The following TSG101 variants were observed in gnomAD, a reference collection of about 807,000 sequenced individuals.
TSG101 encodes tumor susceptibility gene 101 protein.
A neutral mutation model predicts 48.5 loss-of-function variants in TSG101; 19 were observed. The ratio of observed to expected loss-of-function variants is 0.39; its 90% CI spans 0.27 to 0.58. TSG101 has a LOEUF of 0.58. TSG101 is among the 20% of genes least tolerant of loss of function. TSG101 has a pLI of 0.55. For synonymous variants in TSG101, 174 were observed against 169.4 expected (o/e 1.03, Z -0.21); for missense variants, 365 against 484.4 (o/e 0.75, Z 2.31).
chr11:18,487,169 G>A (rs981830567), intron 7 of TSG101, among the ~76,000 whole-genome samples: 4 of 149,922 alleles, frequency 2.7e-5, no homozygotes, highest in Non-Finnish European at 5.9e-5. Flanking sequence ...GTTAAATGAC[G>A]AGTTAGTAGG....
rs1014288385 is a variant in TSG101 at position 18,526,896 on chromosome 11, G to T, written c.-80C>A. The T allele has an allele frequency of 4.7e-6, 7 of 1,489,288 alleles. No individual in the cohort carries two copies. The East Asian group carries it at 1.2e-4, about 26-fold the overall frequency. The allele number at this position is 1,489,288 out of a possible 1,614,324, so 92.3% of individuals were successfully genotyped here. ...CTGCCCCAGACCGTCCCACACAATC[G>T]CACACCCCCAACCCGGCCTCAAACA... On this transcript the variant is annotated 5_prime_UTR_variant, in exon 1 of 10. Coordinates refer to ENST00000251968, the MANE Select transcript of TSG101 (RefSeq NM_006292.4).
chr11:18,506,363 A>G (rs755275239), intron 6 of TSG101, among the ~76,000 whole-genome samples: 9 of 147,492 alleles, frequency 6.1e-5, no homozygotes, highest in African/African-American at 2.2e-4. Flanking sequence ...AGCCAAGGGG[A>G]AAAATATTTT....
At chr11:18,523,774 T>G (rs950919705) in intron 1 of TSG101, among the ~76,000 whole-genome samples, 1 of 152,224 alleles carries the variant, frequency 6.6e-6, no homozygotes. Flanking sequence ...AGTGCTGAGA[T>G]TACAGGCATG....
At chr11:18,520,332 T>C (rs992912193) in intron 1 of TSG101, among the ~76,000 whole-genome samples, 2 of 152,208 alleles carry the variant, frequency 1.3e-5, no homozygotes, top group African/African-American at 4.8e-5. Flanking sequence ...CAAGTGATTC[T>C]CCTGCCTCAG....
At position 18,506,925 on chromosome 11, in the gene TSG101, T is replaced by C. The variant is rs1330026267; in HGVS notation, c.482-2A>G. 1.9e-6 allele frequency: 3 copies of C among 1,605,422 alleles called. No individual in the cohort carries two copies. The East Asian group carries it at 6.7e-5, about 36-fold the overall frequency. ...CTGGCATGCCTGGCATGTAGGAAGC[T>C]AAAAACAATTTTTTTCACATTGTAA... is the stretch of plus-strand genomic sequence containing the variant. On this transcript the variant is annotated splice_acceptor_variant, in intron 5 of 9. Transcript: ENST00000251968. LOFTEE classifies it high-confidence loss of function.
chr11:18,493,618 C>A (rs1165692570), intron 7 of TSG101, among the ~76,000 whole-genome samples: 1 of 152,194 alleles, frequency 6.6e-6, no homozygotes, highest in Non-Finnish European at 1.5e-5. Context: ...ATCTGTGCTA[C>A]ACAGCAAACT....
At chr11:18,488,117 G>GA (rs1207735626) in intron 7 of TSG101, among the ~76,000 whole-genome samples, 2 of 152,100 alleles carry the variant, frequency 1.3e-5, no homozygotes, top group East Asian at 3.8e-4. Context: ...ACTGGTTAAG[G>GA]AAAAACAAAG....
At chr11:18,509,514 T>G (rs774713830) in intron 5 of TSG101, 28 bp downstream of exon 5, 9 of 1,604,830 alleles carry the variant, frequency 5.6e-6, no homozygotes, top group Non-Finnish European at 7.6e-6. Context: ...TTATATGAGT[T>G]TTAAAGTAAA....
At chr11:18,522,835 A>G (rs963484764) in intron 1 of TSG101, among the ~76,000 whole-genome samples, 1 of 152,132 alleles carries the variant, frequency 6.6e-6, no homozygotes, top group African/African-American at 2.4e-5. Context: ...ACTTCTGTCT[A>G]TGAGTCTTTG....
chr11:18,501,584 T>C (rs902739764), intron 7 of TSG101, among the ~76,000 whole-genome samples: 1 of 152,230 alleles, frequency 6.6e-6, no homozygotes, highest in Non-Finnish European at 1.5e-5. Flanking sequence ...AAGATCACTT[T>C]GGCTATTTGG....
intron 7 of TSG101, among the ~76,000 whole-genome samples, chr11:18,501,010 G>GT (rs1380771143): frequency 6.6e-6 from 1 of 152,110 alleles, no homozygotes; most frequent in Non-Finnish European, 1.5e-5. Context: ...GTTTTACCAT[G>GT]TTGGCCAGGC....
intron 5 of TSG101, among the ~76,000 whole-genome samples, 162 bp downstream of exon 5, chr11:18,509,380 A>AATCT (rs941852579): frequency 6.2e-4 from 94 of 152,358 alleles, no homozygotes; most frequent in African/African-American, 2.1e-3. Context: ...CTTTGGTGGG[A>AATCT]ATCTGTACAT....
intron 7 of TSG101, among the ~76,000 whole-genome samples, chr11:18,488,458 G>C (rs1158709738): frequency 6.6e-6 from 1 of 152,160 alleles, no homozygotes; most frequent in East Asian, 1.9e-4. Flanking sequence ...TCTGAGAGTT[G>C]AGCTGGATAA....
intron 3 of TSG101, 91 bp downstream of exon 3, chr11:18,516,008 A>G: frequency 8.8e-7 from 1 of 1,135,772 alleles, no homozygotes; most frequent in Non-Finnish European, 1.3e-6. Context: ...AAGCCCTGAG[A>G]AAGTAGGTTT....
At chr11:18,519,439 C>G (rs1181763240) in intron 2 of TSG101, 80 bp downstream of exon 2, 5 of 1,241,570 alleles carry the variant, frequency 4.0e-6, no homozygotes, top group Non-Finnish European at 5.7e-6. Flanking sequence ...CCACAAACCT[C>G]AAATGGAAAA....
Position 18,483,428 on chromosome 11 carries a change from G to A in TSG101, c.843+442C>T, listed in dbSNP as rs557759391. ...GGAGAATCGCTTGAACCTGGAGGGT[G>A]GAGGTTGCAGTGAGCCAAGATTGCA... On this transcript the variant is annotated intron_variant, in intron 8 of 9. Coordinates refer to ENST00000251968, the MANE Select transcript of TSG101 (RefSeq NM_006292.4). Among the ~76,000 whole-genome samples the A allele has an allele frequency of 2.0e-5, 3 of 151,218 alleles. No individual in the cohort carries two copies. The East Asian group carries it at 5.8e-4, about 29-fold the overall frequency.
chr11:18,499,946 C>T (rs763619685), intron 7 of TSG101, among the ~76,000 whole-genome samples: 2 of 152,018 alleles, frequency 1.3e-5, no homozygotes, highest in Admixed American at 6.6e-5. Flanking sequence ...GAACTTATTC[C>T]TTCTATCTAA....
intron 1 of TSG101, 112 bp downstream of exon 1, chr11:18,526,663 C>A: frequency 7.5e-7 from 1 of 1,339,410 alleles, no homozygotes; most frequent in Non-Finnish European, 1.0e-6. Flanking sequence ...AGGACTGCAC[C>A]GGGGCTTCCG....
intron 4 of TSG101, 108 bp from the exon 5 acceptor site, chr11:18,509,773 G>C (rs1302071494): frequency 5.8e-6 from 7 of 1,200,634 alleles, no homozygotes; most frequent in Admixed American, 2.7e-5. Flanking sequence ...AATTTTCTTT[G>C]TAGGACCCCA....
Sources: allele counts gnomAD v4.1 joint callset (sites outside exome capture counted in the v4.1 genomes callset), GRCh38; gene constraint gnomAD v4.1.1; transcripts MANE v1.5; gene names NCBI Gene and HGNC (gene_info 2026-07-23, HGNC 2026-07-21).